ADAMTS12: variants seen among roughly 807,000 people sequenced by gnomAD.
ADAMTS12 encodes A disintegrin and metalloproteinase with thrombospondin motifs 12.
Under a neutral mutation model 167.8 loss-of-function variants are expected in ADAMTS12, and 118 were observed. The observed-to-expected ratio is 0.70, with a 90% CI of 0.61 to 0.82. ADAMTS12 has a LOEUF of 0.82. ADAMTS12 is among the 40% of genes least tolerant of loss of function. ADAMTS12 has a pLI of 0.00. For synonymous variants in ADAMTS12, 704 were observed against 716.9 expected (o/e 0.98, Z 0.29); for missense variants, 1,916 against 1,998.8 (o/e 0.96, Z 0.79).
chr5:33,826,984 A>G (rs953745452), intron 2 of ADAMTS12, among the ~76,000 whole-genome samples: 3 of 151,808 alleles, frequency 2.0e-5, no homozygotes, highest in African/African-American at 4.8e-5. Context: ...CTAAAATTTA[A>G]TGACCCTTAA....
chr5:33,658,121 T>C (rs1579807211), intron 7 of ADAMTS12, 63 bp downstream of exon 7: 1 of 1,588,812 alleles, frequency 6.3e-7, no homozygotes, highest in Non-Finnish European at 8.6e-7. Context: ...TCACCTCAAA[T>C]TCTCTCTGCT....
chr5:33,579,080 C>T (rs1746914537), intron 18 of ADAMTS12, among the ~76,000 whole-genome samples: 2 of 152,196 alleles, frequency 1.3e-5, no homozygotes, highest in Admixed American at 1.3e-4. Context: ...TCACTTCTCC[C>T]TGGACCTAGA....
At chr5:33,737,183 G>A (rs1457371759) in intron 3 of ADAMTS12, among the ~76,000 whole-genome samples, 2 of 152,184 alleles carry the variant, frequency 1.3e-5, no homozygotes, top group Admixed American at 6.5e-5. Flanking sequence ...AAAGGGCATC[G>A]ATGTTGGGAA....
intron 2 of ADAMTS12, among the ~76,000 whole-genome samples, chr5:33,752,098 G>A (rs972757019): frequency 6.6e-6 from 1 of 152,202 alleles, no homozygotes; most frequent in Non-Finnish European, 1.5e-5. Flanking sequence ...GGGGCCTACA[G>A]CAGAAAGCCC....
chr5:33,861,712 C>A (rs1749621717), intron 2 of ADAMTS12, among the ~76,000 whole-genome samples: 1 of 152,184 alleles, frequency 6.6e-6, no homozygotes. Flanking sequence ...CACCCCAAAT[C>A]AACAGAATAC....
chr5:33,559,449 G>A (rs12514252), intron 20 of ADAMTS12, among the ~76,000 whole-genome samples: 2,923 of 152,300 alleles, frequency 0.019, 60 homozygotes, highest in East Asian at 0.08. Flanking sequence ...AGCAGATTAG[G>A]CCTAGTTAGT....
chr5:33,795,463 T>C (rs1326563265), intron 2 of ADAMTS12, among the ~76,000 whole-genome samples: 2 of 152,036 alleles, frequency 1.3e-5, no homozygotes, highest in Admixed American at 6.5e-5. Context: ...AATCCCTACG[T>C]CAAATGAAAA....
chr5:33,532,491 C>T (rs25752), intron 23 of ADAMTS12, among the ~76,000 whole-genome samples: 7 of 147,804 alleles, frequency 4.7e-5, no homozygotes, highest in East Asian at 1.9e-4. Flanking sequence ...TTTTTTTTGG[C>T]CTTTTCTACC....
intron 11 of ADAMTS12, among the ~76,000 whole-genome samples, chr5:33,641,379 A>T (rs773414674): frequency 3.3e-5 from 5 of 152,204 alleles, no homozygotes; most frequent in African/African-American, 7.2e-5. Flanking sequence ...TTAAGGAAAG[A>T]ATTATTCTCA....
intron 2 of ADAMTS12, among the ~76,000 whole-genome samples, chr5:33,808,931 C>T (rs1747339898): frequency 6.6e-6 from 1 of 152,198 alleles, no homozygotes; most frequent in Non-Finnish European, 1.5e-5. Context: ...TTCCTCTTCT[C>T]AGCACTATGA....
At chr5:33,529,718 C>T (rs1744004370) in intron 23 of ADAMTS12, among the ~76,000 whole-genome samples, 1 of 152,064 alleles carries the variant, frequency 6.6e-6, no homozygotes, top group African/African-American at 2.4e-5. Context: ...AAATGAATGT[C>T]TTCTGTTAGC....
At chr5:33,781,035 C>A (rs528599972) in intron 2 of ADAMTS12, among the ~76,000 whole-genome samples, 22 of 152,122 alleles carry the variant, frequency 1.4e-4, no homozygotes, top group African/African-American at 5.1e-4. Context: ...GTTGAAACAA[C>A]GCATTAGGAA....
intron 3 of ADAMTS12, among the ~76,000 whole-genome samples, chr5:33,710,031 G>T (rs1315311967): frequency 1.3e-5 from 2 of 152,218 alleles, no homozygotes; most frequent in East Asian, 3.9e-4. Context: ...ACTCTTCGAA[G>T]CCAATTCCTT....
chr5:33,536,807 G>C (rs1053366697), intron 22 of ADAMTS12, among the ~76,000 whole-genome samples: 1 of 152,178 alleles, frequency 6.6e-6, no homozygotes, highest in Non-Finnish European at 1.5e-5. Flanking sequence ...TTACAATTTT[G>C]AATCTTCTAT....
intron 1 of ADAMTS12, among the ~76,000 whole-genome samples, chr5:33,883,336 TTTTTTG>T (rs1750523113): frequency 2.7e-5 from 4 of 149,326 alleles, no homozygotes; most frequent in African/African-American, 9.9e-5. Flanking sequence ...TGTTTTTTTT[TTTTTTG>T]TTTTTTTTTT....
rs568879096 is a variant in ADAMTS12, at chr5:33,578,761, T to C, written c.2866-1601A>G. ...AATCAAACATAATCACTTACTGATG[T>C]AAAACAGCTCTGTGAAATCAGCTCT... On this transcript the variant is annotated intron_variant, in intron 18 of 23. Coordinates refer to ENST00000504830, the MANE Select transcript of ADAMTS12 (RefSeq NM_030955.4). 1.5e-4 allele frequency among the ~76,000 whole-genome samples: 23 copies of C among 152,364 alleles called. No individual in the cohort carries two copies. In the East Asian group the frequency reaches 4.4e-3, roughly 29 times the overall value.
intron 2 of ADAMTS12, among the ~76,000 whole-genome samples, chr5:33,797,814 TAGAG>T (rs1746839432): frequency 6.6e-6 from 1 of 152,206 alleles, no homozygotes; most frequent in Non-Finnish European, 1.5e-5. Context: ...GAGTACTAAA[TAGAG>T]AGCATAGCCC....
In ADAMTS12 at chr5:33,527,000, A is replaced by T. The variant is rs1251142950; in HGVS notation, c.*188T>A. ...ACCTTCCTATCAGGGAGCAGCAAGT[A>T]CGGCAGCCTAGGCCTCCTGTGAGGG... On this transcript the variant is annotated 3_prime_UTR_variant, in exon 24 of 24. Transcript: ENST00000504830. 10 of 668,398 alleles carry T rather than the reference A, an allele frequency of 1.5e-5. No homozygotes were observed. The allele number at this position is 668,398 out of a possible 1,614,324, so 41.4% of individuals were successfully genotyped here.
chr5:33,590,705 C>T (rs1217637565), intron 17 of ADAMTS12, among the ~76,000 whole-genome samples: 1 of 152,204 alleles, frequency 6.6e-6, no homozygotes, highest in Non-Finnish European at 1.5e-5. Context: ...TCTCGAACTC[C>T]TGCGCTCAAG....
Sources: allele counts gnomAD v4.1 joint callset (sites outside exome capture counted in the v4.1 genomes callset), GRCh38; gene constraint gnomAD v4.1.1; transcripts MANE v1.5; gene names NCBI Gene and HGNC (gene_info 2026-07-23, HGNC 2026-07-21).